MTREX: variants seen among roughly 807,000 people sequenced by gnomAD.
MTREX encodes the protein Mtr4 exosome RNA helicase.
MTREX carries 76 observed loss-of-function variants against 135.4 expected under a neutral mutation model. The observed-to-expected ratio is 0.56, with a 90% CI of 0.47 to 0.68. MTREX has a LOEUF of 0.68. Ranked by LOEUF, MTREX falls within the 30% of genes least tolerant of loss-of-function variation. The pLI is 0.00. For synonymous variants in MTREX, 404 were observed against 401.6 expected (o/e 1.01, Z -0.07); for missense variants, 920 against 1,262.1 (o/e 0.73, Z 4.11).
intron 15 of MTREX, among the ~76,000 whole-genome samples, chr5:55,361,136 G>A (rs1252990314): frequency 6.6e-6 from 1 of 152,124 alleles, no homozygotes; most frequent in Admixed American, 6.5e-5. Flanking sequence ...AAAGTAGATA[G>A]GCTAAAAAAT....
intron 5 of MTREX, among the ~76,000 whole-genome samples, chr5:55,338,213 A>G (rs28795757): frequency 0.014 from 2,082 of 152,152 alleles, 46 homozygotes; most frequent in African/African-American, 0.047. Flanking sequence ...TTTAATAAAT[A>G]TTTCTTACAG....
chr5:55,333,279 C>T (rs915356641), intron 5 of MTREX, among the ~76,000 whole-genome samples: 70 of 152,288 alleles, frequency 4.6e-4, no homozygotes, highest in African/African-American at 1.5e-3. Context: ...CATTATGGTT[C>T]TCTATCACCC....
intron 19 of MTREX, among the ~76,000 whole-genome samples, chr5:55,391,688 A>T (rs573916606): frequency 6.6e-6 from 1 of 152,268 alleles, no homozygotes; most frequent in African/African-American, 2.4e-5. Flanking sequence ...CAGAATGAAC[A>T]TTTTTTTCTA....
chr5:55,310,394 G>C (rs1027087705), intron 1 of MTREX, among the ~76,000 whole-genome samples: 1 of 152,152 alleles, frequency 6.6e-6, no homozygotes, highest in African/African-American at 2.4e-5. Context: ...GATCACCTGA[G>C]GTCAAGAGTT....
At chr5:55,347,199 T>C (rs1336183813) in intron 11 of MTREX, 55 bp downstream of exon 11, 2 of 1,491,692 alleles carry the variant, frequency 1.3e-6, no homozygotes, top group Non-Finnish European at 9.1e-7. Flanking sequence ...GCGTAAAATA[T>C]ATTTCTAGTA....
intron 1 of MTREX, among the ~76,000 whole-genome samples, chr5:55,316,715 A>T (rs1282235525): frequency 6.6e-6 from 1 of 152,210 alleles, no homozygotes; most frequent in Non-Finnish European, 1.5e-5. Flanking sequence ...TCCCCTTGAA[A>T]ACTGGCACAA....
intron 16 of MTREX, among the ~76,000 whole-genome samples, chr5:55,375,752 C>T (rs1750289056): frequency 6.6e-6 from 1 of 152,106 alleles, no homozygotes; most frequent in Non-Finnish European, 1.5e-5. Context: ...GAAATCTTTA[C>T]AATTTATGTT....
rs1194291747 is a variant in MTREX at position 55,400,283 on chromosome 5, T to C, written c.2343T>C (p.Asp781=). 1 of 1,612,922 alleles carries C rather than the reference T, an allele frequency of 6.2e-7. No individual in the cohort carries two copies. Among genetic ancestry groups the C allele is most frequent in the South Asian group, 1.1e-5 (1 of 90,914 alleles). Residue 781 remains aspartate, a synonymous_variant, in exon 21 of 27, where the codon GAT becomes GAC. Coordinates refer to ENST00000230640, the MANE Select transcript of MTREX (RefSeq NM_015360.5). ...PDGIPLLDPI[D]DMGIQDQGLK... ...GCATCCCCTTATTAGACCCTATTGA[T>C]GATATGGGCATTCAAGATCAAGGGC... is the stretch of plus-strand genomic sequence containing the variant.
intron 25 of MTREX, 52 bp from the exon 26 acceptor site, chr5:55,422,826 G>T: frequency 6.9e-7 from 1 of 1,451,378 alleles, no homozygotes; most frequent in Non-Finnish European, 9.5e-7. Flanking sequence ...CAAAAATTCT[G>T]CTGTTCCTGA....
At chr5:55,422,216 CTATGTT>C (rs907387347) in intron 25 of MTREX, among the ~76,000 whole-genome samples, 3 of 152,132 alleles carry the variant, frequency 2.0e-5, no homozygotes, top group African/African-American at 7.2e-5. Flanking sequence ...AAAAGTGAAA[CTATGTT>C]TATAGCTTCA....
At chr5:55,313,303 T>G (rs1217374623) in intron 1 of MTREX, among the ~76,000 whole-genome samples, 2 of 151,368 alleles carry the variant, frequency 1.3e-5, no homozygotes, top group African/African-American at 4.9e-5. Flanking sequence ...AGCTGGGTCT[T>G]GTGGCATGCA....
At chr5:55,389,500 G>A (rs1020264302) in intron 19 of MTREX, among the ~76,000 whole-genome samples, 2 of 152,080 alleles carry the variant, frequency 1.3e-5, no homozygotes, top group Non-Finnish European at 2.9e-5. Context: ...GCAAGGGGTG[G>A]GGGGTTGTTA....
At position 55,422,914 on chromosome 5, in the gene MTREX, T is replaced by C. The variant is rs1346174065; in HGVS notation, c.3008T>C (p.Leu1003Ser). ...IIRCMRRLEE[L>S]LRQMCQAAKA... ...CGTTGTATGAGGCGCCTGGAAGAAT[T>C]GCTTCGACAAATGTGTCAAGCAGCA... Residue 1003 changes from leucine to serine, a missense_variant, in exon 26 of 27, where the codon TTG becomes TCG. Around this residue, in one of 6 missense-constraint regions of MTREX, gnomAD observed 467 missense variants for 589.7 expected, o/e 0.79. Transcript: ENST00000230640. The C allele has an allele frequency of 6.2e-7, 1 of 1,614,104 alleles. No homozygotes were observed. The highest frequency in any genetic ancestry group is 1.1e-5 in the South Asian group (1 of 91,042).
At position 55,425,015 on chromosome 5, in the gene MTREX, A is replaced by C; in HGVS notation, c.*243A>C. On this transcript the variant is annotated 3_prime_UTR_variant, in exon 27 of 27. Coordinates refer to ENST00000230640, the MANE Select transcript of MTREX (RefSeq NM_015360.5). Reference sequence around the variant, plus strand: ...TGGAAGGCTTGGAGTTTTTTTAATGAGTTTAGAGCTATTAGATAACCACTG... The same window carrying C: ...TGGAAGGCTTGGAGTTTTTTTAATGCGTTTAGAGCTATTAGATAACCACTG... 1.3e-6 allele frequency: 1 copy of C among 781,480 alleles called. No homozygotes were observed. Among genetic ancestry groups the C allele is most frequent in the Non-Finnish European group, 2.0e-6 (1 of 501,206 alleles). The allele number at this position is 781,480 out of a possible 1,614,324, so 48.4% of individuals were successfully genotyped here.
intron 1 of MTREX, among the ~76,000 whole-genome samples, chr5:55,313,235 G>C (rs1019184826): frequency 6.6e-6 from 1 of 150,880 alleles, no homozygotes; most frequent in African/African-American, 2.4e-5. Flanking sequence ...CCAGGAGTTC[G>C]GGACCAGCTT....
chr5:55,363,500 T>C (rs1466647055), intron 15 of MTREX, among the ~76,000 whole-genome samples: 1 of 151,118 alleles, frequency 6.6e-6, no homozygotes, highest in Non-Finnish European at 1.5e-5. Context: ...ACATAATGTC[T>C]TTATCATTGG....
chr5:55,326,988 G>C (rs1444725016), intron 3 of MTREX, among the ~76,000 whole-genome samples: 1 of 152,094 alleles, frequency 6.6e-6, no homozygotes, highest in Non-Finnish European at 1.5e-5. Context: ...CTGAGAATGA[G>C]TTTCCAGCTT....
At chr5:55,361,981 G>C (rs1013990353) in intron 15 of MTREX, among the ~76,000 whole-genome samples, 1 of 150,528 alleles carries the variant, frequency 6.6e-6, no homozygotes, top group Non-Finnish European at 1.5e-5. Flanking sequence ...CAGTGGTGCA[G>C]TCTCGGCTCA....
At chr5:55,391,465 G>A (rs1294417051) in intron 19 of MTREX, among the ~76,000 whole-genome samples, 3 of 151,860 alleles carry the variant, frequency 2.0e-5, no homozygotes, top group African/African-American at 7.3e-5. Context: ...CAATCTCTTT[G>A]TCTAAAAAAA....
Sources: gnomAD v4.1 joint callset for allele counts (sites outside exome capture counted in the v4.1 genomes callset) on GRCh38, gnomAD v4.1.1 for gene constraint, gnomAD v4.1.1 regional missense constraint, MANE v1.5 for transcripts, NCBI Gene and HGNC (gene_info 2026-07-23, HGNC 2026-07-21) for gene names.